CD99: variants seen among roughly 807,000 people sequenced by gnomAD.
CD99 encodes the protein CD99 molecule (Xg blood group), also known as CD99 antigen.
A neutral mutation model predicts 28.4 loss-of-function variants in CD99; 19 were observed. The observed-to-expected ratio is 0.67, with a 90% confidence interval of 0.47 to 0.98. CD99 has a LOEUF of 0.98. CD99 is among the 50% of genes least tolerant of loss of function. The probability of loss-of-function intolerance (pLI) is 0.00; values close to 1 mark genes in which losing one functional copy is unlikely to be tolerated. For synonymous variants in CD99, 103 were observed against 92.1 expected, an observed-to-expected ratio of 1.12 and a Z score of -0.67; for missense variants, 283 against 248.8, an observed-to-expected ratio of 1.14 and a Z score of -0.92.
rs773633184 is a variant in CD99, at chrX:2,729,392, G to C, written c.475+3019G>C. Among the ~76,000 whole-genome samples, 3 of 151,864 alleles carry C rather than the reference G, an allele frequency of 2.0e-5. No individual in the cohort carries two copies. The South Asian group carries it at 6.2e-4, about 32-fold the overall frequency. On this transcript the variant is annotated intron_variant, in intron 8 of 9. Transcript: ENST00000381192. The stretch of plus-strand genomic sequence containing the variant: ...ACTGGATAATTCATGAAGGAAAGAG[G>C]ATTCATTGATTCACAGTTCAGCATG...
Position 2,723,361 on chromosome X carries a change from G to A in CD99, c.358G>A (p.Glu120Lys). The A allele has an allele frequency of 6.2e-7, 1 of 1,613,990 alleles. No homozygotes were observed. The highest frequency in any genetic ancestry group is 8.5e-7 in the Non-Finnish European group (1 of 1,179,868). ...GGGSHRKEGE[E>K]ADAPGVIPGI... Reference sequence around the variant, plus strand: ...AGGCAGCCACAGGAAAGAAGGGGAAGAGGGTAGGTGCACCTGGCTTCTGTC... The same window carrying A: ...AGGCAGCCACAGGAAAGAAGGGGAAAAGGGTAGGTGCACCTGGCTTCTGTC... The change falls in exon 7 of 10, where the codon GAG becomes AAG. Residue 120 changes from glutamate to lysine, a missense_variant. By Grantham distance (56) the Glu-to-Lys change is moderately conservative. Transcript: ENST00000381192.
rs2049110573 is a variant in CD99, at chrX:2,723,531, G to GT, written c.361+168dup. Reference sequence around the variant, plus strand: ...GCTCCCAAGTGATGTAGCTGCAGAGGTCCCCCAGCAAACCAGCCCTGCTCC... The same window carrying GT: ...GCTCCCAAGTGATGTAGCTGCAGAGGTTCCCCCAGCAAACCAGCCCTGCTCC... On this transcript the variant is annotated intron_variant, in intron 7 of 9. Coordinates refer to ENST00000381192, the MANE Select transcript of CD99 (RefSeq NM_002414.5). The GT allele has an allele frequency of 4.1e-6, 3 of 726,280 alleles. No individual in the cohort carries two copies. The African/African-American group carries it at 8.5e-5, about 21-fold the overall frequency. 45.0% of individuals were successfully genotyped at this position (726,280 alleles called of 1,614,324 possible). A position where few individuals can be genotyped will look rare whatever the true frequency, so the allele number is the denominator to read the frequency against.
chrX:2,740,881 C>A lies in CD99; in HGVS notation c.*77C>A. The A allele has an allele frequency of 6.6e-7, 1 of 1,504,206 alleles. No homozygotes were observed. Among genetic ancestry groups the A allele is most frequent in the African/African-American group, 1.4e-5 (1 of 72,738 alleles). The allele number at this position is 1,504,206 out of a possible 1,614,324, so 93.2% of individuals were successfully genotyped here. On this transcript the variant is annotated 3_prime_UTR_variant, in exon 10 of 10. Coordinates refer to ENST00000381192, the MANE Select transcript of CD99 (RefSeq NM_002414.5). ...GCCTGAGGCTCCTCCCTGAAGGACACCTGCCTGAGAGCAGAGATGGAGGCC... is the reference window on the plus strand; with the variant it reads ...GCCTGAGGCTCCTCCCTGAAGGACAACTGCCTGAGAGCAGAGATGGAGGCC...
intron 8 of CD99, chrX:2,727,431 C>T: frequency 1.4e-6 from 1 of 738,792 alleles, no homozygotes; most frequent in African/African-American, 1.7e-5. Context: ...TCTTGCATGA[C>T]CAAGCATTGT....
intron 2 of CD99, 83 bp from the exon 3 acceptor site, chrX:2,717,522 A>G: frequency 1.8e-6 from 2 of 1,111,962 alleles, no homozygotes; most frequent in Non-Finnish European, 2.7e-6. Flanking sequence ...TTCCAAGAAA[A>G]TGAAACATCC....
chrX:2,736,623 C>T (rs777511836), intron 8 of CD99, among the ~76,000 whole-genome samples: 62 of 151,748 alleles, frequency 4.1e-4, no homozygotes, highest in Middle Eastern at 3.4e-3. Context: ...TTTGAGAGGC[C>T]GAGGTGGGCG....
rs188801344 is a variant in CD99 at position 2,728,924 on chromosome X, G to A, written c.475+2551G>A. Among the ~76,000 whole-genome samples, 340 of 120,840 alleles carry A rather than the reference G, an allele frequency of 2.8e-3. 1 individual carries two copies. Among genetic ancestry groups the A allele is most frequent in the African/African-American group, 0.012 (298 of 23,886 alleles). 79.3% of individuals were successfully genotyped at this position (120,840 alleles called of 152,430 possible). ...CAATCTTGGCTCACTGCAACCTCGC[G>A]GGTTCAAGCAATTCTCCTGCCTCAG... On this transcript the variant is annotated intron_variant, in intron 8 of 9. Transcript: ENST00000381192.
rs1569439910 is a variant in CD99 at position 2,717,664 on chromosome X, T to G, written c.148+12T>G. On this transcript the variant is annotated intron_variant, in intron 3 of 9. Transcript: ENST00000381192. ...GAAACCCAGTGCTGGTGAGAAGGGC[T>G]TCTTCCTAGTATGCAAAGAAAAAGA... 6.2e-7 allele frequency: 1 copy of G among 1,611,650 alleles called. No individual in the cohort carries two copies.
chrX:2,713,704 C>T (rs967044276), intron 1 of CD99, among the ~76,000 whole-genome samples: 2 of 152,212 alleles, frequency 1.3e-5, no homozygotes, highest in Admixed American at 1.3e-4. Context: ...CAGGTGCTTC[C>T]TGACGGTTGA....
At chrX:2,706,664 A>G (rs1043224814) in intron 1 of CD99, among the ~76,000 whole-genome samples, 3 of 152,080 alleles carry the variant, frequency 2.0e-5, no homozygotes, top group African/African-American at 7.2e-5. Flanking sequence ...CCCACCCTTA[A>G]TGGAGATGAA....
chrX:2,697,331 A>G (rs891485564), intron 1 of CD99, among the ~76,000 whole-genome samples: 8 of 152,174 alleles, frequency 5.3e-5, no homozygotes, highest in Non-Finnish European at 1.2e-4. Context: ...GATTTTCTGC[A>G]TCTTTTCGGG....
chrX:2,731,277 A>G (rs753093754), intron 8 of CD99, among the ~76,000 whole-genome samples: 2 of 152,294 alleles, frequency 1.3e-5, no homozygotes, highest in African/African-American at 2.4e-5. Context: ...GGATGTGAGT[A>G]TAGCATGCCC....
At chrX:2,732,904 T>C (rs1384919095) in intron 8 of CD99, among the ~76,000 whole-genome samples, 1 of 140,926 alleles carries the variant, frequency 7.1e-6, no homozygotes. Context: ...CTCCTTCCCT[T>C]CTTTCCTTCC....
At chrX:2,717,361 A>AAG (rs2048775797) in intron 2 of CD99, 2 of 500,798 alleles carry the variant, frequency 4.0e-6, no homozygotes, top group Non-Finnish European at 7.1e-6. Context: ...AAAAAAAAAA[A>AAG]AAGAAGTGGA....
intron 2 of CD99, chrX:2,714,818 C>A (rs1278018265): frequency 9.8e-6 from 2 of 203,292 alleles, no homozygotes; most frequent in African/African-American, 4.6e-5. Flanking sequence ...TTGCAAAGCA[C>A]CTTAAGACAA....
In CD99 at chrX:2,737,755, CA is replaced by C. The variant is rs1248999998; in HGVS notation, c.476-442del. ...AAGTGATCCACCTGCCTCAGCCTCC[CA>C]AAGTGCTGGGATTACAGGCGTGAGT... is the stretch of plus-strand genomic sequence containing the variant. On this transcript the variant is annotated intron_variant, in intron 8 of 9. Coordinates refer to ENST00000381192, the MANE Select transcript of CD99 (RefSeq NM_002414.5). The C allele has an allele frequency of 1.3e-5, 4 of 317,434 alleles. No homozygotes were observed. The Admixed American group carries it at 1.7e-4, about 13-fold the overall frequency. The allele number at this position is 317,434 out of a possible 1,614,324, so 19.7% of individuals were successfully genotyped here. A position where few individuals can be genotyped will look rare whatever the true frequency, so the allele number is the denominator to read the frequency against.
At position 2,740,810 on chromosome X, in the gene CD99, T is replaced by C; in HGVS notation, c.*6T>C. 1 of 1,613,932 alleles carries C rather than the reference T, an allele frequency of 6.2e-7. No individual in the cohort carries two copies. The highest frequency in any genetic ancestry group is 8.5e-7 in the Non-Finnish European group (1 of 1,179,842). On this transcript the variant is annotated 3_prime_UTR_variant, in exon 10 of 10. Coordinates refer to ENST00000381192, the MANE Select transcript of CD99 (RefSeq NM_002414.5). ...GTACTCTTTTAGAGAAATAGAAGAT[T>C]GTCGGCAGAAACAGCCCAGGCGTTG...
At chrX:2,703,781 C>T (rs1454940758) in intron 1 of CD99, among the ~76,000 whole-genome samples, 1 of 151,970 alleles carries the variant, frequency 6.6e-6, no homozygotes, top group East Asian at 1.9e-4. Flanking sequence ...GATCAGCAGT[C>T]GGGGAGTGGC....
intron 1 of CD99, among the ~76,000 whole-genome samples, chrX:2,712,754 G>C (rs896828025): frequency 1.2e-4 from 18 of 152,014 alleles, no homozygotes; most frequent in African/African-American, 2.9e-4. Flanking sequence ...GACACACACA[G>C]AAACACACAC....
Sources: allele counts gnomAD v4.1 joint callset (sites outside exome capture counted in the v4.1 genomes callset), GRCh38; gene constraint gnomAD v4.1.1; transcripts MANE v1.5; gene names NCBI Gene and HGNC (gene_info 2026-07-23, HGNC 2026-07-21).